The following USP9Y variants were observed in gnomAD, a reference collection of about 807,000 sequenced individuals.
USP9Y encodes the protein ubiquitin specific peptidase 9 Y-linked.
USP9Y carries 41 observed loss-of-function variants against 53.1 expected under a neutral mutation model. That is an observed-to-expected ratio of 0.77 (90% CI 0.60 to 1.00). USP9Y has a LOEUF of 1.00. Among genes scored for constraint, USP9Y ranks in the 50% least tolerant of loss-of-function variants. The pLI, the probability that USP9Y is intolerant of heterozygous loss-of-function variation, is 0.00. For synonymous variants in USP9Y, 220 were observed against 173.7 expected, an observed-to-expected ratio of 1.27 and a Z score of -2.09; for missense variants, 567 against 535.8, an observed-to-expected ratio of 1.06 and a Z score of -0.58.
intron 33 of USP9Y, among the ~76,000 whole-genome samples, chrY:12,831,380 G>A: frequency 3.0e-5 from 1 of 33,093 alleles, no homozygotes; most frequent in South Asian, 6.8e-4. Context: ...GTGAGGCTGT[G>A]AAAAAATTGA....
chrY:12,725,143 G>GT lies in USP9Y; in HGVS notation c.363dup (p.Arg122SerfsTer10), dbSNP rs755153965. On this transcript the variant is annotated frameshift_variant, in exon 6 of 46. Transcript: ENST00000338981. LOFTEE classifies it high-confidence loss of function. Reference sequence around the variant, plus strand: ...GATGTTAAAAGTGAAGCATGCCAACGTTTTTTTCGAGATGGACTAACAATA... The same window carrying GT: ...GATGTTAAAAGTGAAGCATGCCAACGTTTTTTTTCGAGATGGACTAACAATA... 1 of 396,703 alleles carries GT rather than the reference G, an allele frequency of 2.5e-6. No individual in the cohort carries two copies. The highest frequency in any genetic ancestry group is 3.5e-6 in the Non-Finnish European group (1 of 282,339).
At chrY:12,833,918 G>A (rs2053552934) in intron 34 of USP9Y, 57 bp downstream of exon 34, 1 of 332,394 alleles carries the variant, frequency 3.0e-6, no homozygotes, top group Non-Finnish European at 4.3e-6. Flanking sequence ...TTTAATAATA[G>A]TGTAAATCTT....
At chrY:12,781,178 G>A (rs2053498232) in intron 22 of USP9Y, among the ~76,000 whole-genome samples, 1 of 32,972 alleles carries the variant, frequency 3.0e-5, no homozygotes, top group African/African-American at 1.2e-4. Flanking sequence ...ATCCCGGTGC[G>A]CATAAAAGTT....
intron 15 of USP9Y, among the ~76,000 whole-genome samples, chrY:12,768,878 A>G (rs2148284873): frequency 9.0e-5 from 3 of 33,371 alleles, no homozygotes; most frequent in African/African-American, 3.5e-4. Flanking sequence ...ACATATAAAC[A>G]GAGATACCTG....
chrY:12,795,919 G>A (rs2148287479), intron 27 of USP9Y, among the ~76,000 whole-genome samples: 1 of 33,525 alleles, frequency 3.0e-5, no homozygotes, highest in Admixed American at 2.7e-4. Flanking sequence ...TATCAGCAGG[G>A]TCTTTGTGAC....
intron 27 of USP9Y, among the ~76,000 whole-genome samples, chrY:12,804,802 T>C (rs2053522463): frequency 6.2e-5 from 2 of 32,215 alleles, no homozygotes; most frequent in Non-Finnish European, 1.5e-4. Context: ...CTACTAAGAA[T>C]ACAAAAATTG....
intron 22 of USP9Y, among the ~76,000 whole-genome samples, 170 bp from the exon 23 acceptor site, chrY:12,786,033 A>G: frequency 3.1e-5 from 1 of 32,618 alleles, no homozygotes. Context: ...TTGATCACTA[A>G]TCAGTCAGTT....
At chrY:12,849,752 A>G in intron 42 of USP9Y, among the ~76,000 whole-genome samples, 2 of 17,348 alleles carry the variant, frequency 1.2e-4, no homozygotes, top group Admixed American at 6.3e-4. Flanking sequence ...ATGTTTATTG[A>G]TTTGCATATG....
At chrY:12,784,481 T>C in intron 22 of USP9Y, among the ~76,000 whole-genome samples, 1 of 33,433 alleles carries the variant, frequency 3.0e-5, no homozygotes, top group African/African-American at 1.2e-4. Context: ...TCTTTGCCGA[T>C]TGGAAATGAG....
intron 3 of USP9Y, among the ~76,000 whole-genome samples, chrY:12,718,936 A>C: frequency 8.8e-5 from 3 of 33,944 alleles, no homozygotes; most frequent in African/African-American, 3.4e-4. Context: ...TAGTTTGTCC[A>C]TTTGCCTGTT....
At chrY:12,728,105 G>A (rs2053444374) in intron 7 of USP9Y, among the ~76,000 whole-genome samples, 1 of 32,813 alleles carries the variant, frequency 3.0e-5, no homozygotes, top group African/African-American at 1.2e-4. Flanking sequence ...AAGCTTTTTC[G>A]GCATTGATGG....
At chrY:12,780,072 C>A in intron 22 of USP9Y, among the ~76,000 whole-genome samples, 1 of 34,084 alleles carries the variant, frequency 2.9e-5, no homozygotes, top group African/African-American at 1.1e-4. Context: ...AAATGTATTT[C>A]TTATGCGTTA....
chrY:12,703,312 G>A (rs766888039), intron 1 of USP9Y, among the ~76,000 whole-genome samples: 5 of 33,384 alleles, frequency 1.5e-4, no homozygotes, highest in Admixed American at 1.4e-3. Context: ...TCTTGGTCTC[G>A]CTGACTTCAA....
In USP9Y at chrY:12,722,193, T is replaced by C; in HGVS notation, c.325+6T>C. 2.6e-6 allele frequency: 1 copy of C among 385,962 alleles called. No homozygotes were observed. The highest frequency in any genetic ancestry group is 3.7e-6 in the Non-Finnish European group (1 of 272,436). On this transcript the variant is annotated splice_donor_region_variant and intron_variant, in intron 5 of 45. Transcript: ENST00000338981. ...TATTGATCTTAGTGTAAAAGGTGAGTGTGGATGTACATTTTCTATAATACG... is the reference window on the plus strand; with the variant it reads ...TATTGATCTTAGTGTAAAAGGTGAGCGTGGATGTACATTTTCTATAATACG...
intron 27 of USP9Y, among the ~76,000 whole-genome samples, chrY:12,800,612 G>A (rs73621763): frequency 0.15 from 5,164 of 33,987 alleles, no homozygotes; most frequent in African/African-American, 0.58. Context: ...AAACTTTAAT[G>A]CCAAATGTAA....
chrY:12,799,360 G>A (rs1416392133), intron 27 of USP9Y, among the ~76,000 whole-genome samples: 1 of 33,282 alleles, frequency 3.0e-5, no homozygotes, highest in Non-Finnish European at 7.4e-5. Context: ...TTTACAGGCC[G>A]CCATTTGTTG....
intron 40 of USP9Y, 104 bp downstream of exon 40, chrY:12,846,622 A>T: frequency 4.6e-6 from 1 of 218,444 alleles, no homozygotes. Flanking sequence ...AAATGAAATT[A>T]GTCTGAAGGC....
At chrY:12,742,645 G>A in intron 12 of USP9Y, among the ~76,000 whole-genome samples, 1 of 33,186 alleles carries the variant, frequency 3.0e-5, no homozygotes. Flanking sequence ...ACTACATATA[G>A]CTTCCTCTGT....
intron 42 of USP9Y, among the ~76,000 whole-genome samples, chrY:12,850,170 T>C: frequency 4.5e-5 from 1 of 22,348 alleles, no homozygotes; most frequent in South Asian, 1.2e-3. Flanking sequence ...TGGTTTAGTC[T>C]TGGGAGAGTG....
Sources: allele counts gnomAD v4.1 joint callset (sites outside exome capture counted in the v4.1 genomes callset), GRCh38; gene constraint gnomAD v4.1.1; transcripts MANE v1.5; gene names NCBI Gene and HGNC (gene_info 2026-07-23, HGNC 2026-07-21).